Variants in SLC6A11 observed in about 807,000 individuals in gnomAD.
SLC6A11 encodes solute carrier family 6 member 11, also known as sodium- and chloride-dependent GABA transporter 3.
SLC6A11 carries 25 observed loss-of-function variants against 74.8 expected under a neutral mutation model. The ratio of observed to expected loss-of-function variants is 0.33; its 90% CI spans 0.24 to 0.47. The LOEUF (loss-of-function observed/expected upper bound fraction) is 0.47. Among genes scored for constraint, SLC6A11 ranks in the 20% least tolerant of loss-of-function variants. The pLI is 1.00. For synonymous variants in SLC6A11, 330 were observed against 330.2 expected, an observed-to-expected ratio of 1.00 and a Z score of 0.01; for missense variants, 574 against 837.0, an observed-to-expected ratio of 0.69 and a Z score of 3.88.
intron 5 of SLC6A11, among the ~76,000 whole-genome samples, chr3:10,853,954 T>C (rs940132495): frequency 6.6e-6 from 1 of 152,212 alleles, no homozygotes; most frequent in African/African-American, 2.4e-5. Context: ...CTGGCTTTCT[T>C]GTGTACCGTG....
rs370927607 is a variant in SLC6A11, at chr3:10,918,461, C to T, written c.1120+8C>T. 12 of 1,601,932 alleles carry T rather than the reference C, an allele frequency of 7.5e-6. No homozygotes were observed. The highest frequency in any genetic ancestry group is 5.6e-5 in the South Asian group (5 of 89,404). The stretch of plus-strand genomic sequence containing the variant: ...CTGAGGTGGCAGAGTCAGGTAAGTT[C>T]GCCAAAGGTGGGGATGGAAAAGGCG... On this transcript the variant is annotated splice_region_variant and intron_variant, in intron 8 of 13. Transcript: ENST00000254488. This position sits in a 1 kb window ranked among gnomAD's most constrained non-coding sequence, Gnocchi z 4.5.
At chr3:10,929,140 A>G in intron 9 of SLC6A11, 62 bp from the exon 10 acceptor site, 1 of 1,583,928 alleles carries the variant, frequency 6.3e-7, no homozygotes, top group Non-Finnish European at 8.6e-7. Flanking sequence ...GCTTGCCCAG[A>G]GCCTGGGCCA....
chr3:10,913,754 C>T (rs1249694197), intron 7 of SLC6A11, among the ~76,000 whole-genome samples: 1 of 152,194 alleles, frequency 6.6e-6, no homozygotes, highest in African/African-American at 2.4e-5. Flanking sequence ...ACTGCAGTGG[C>T]ACGATCTCGG....
chr3:10,936,447 C>T (rs938919874), intron 13 of SLC6A11, among the ~76,000 whole-genome samples: 3 of 152,178 alleles, frequency 2.0e-5, no homozygotes, highest in Admixed American at 6.5e-5. Context: ...AACTTGGCCA[C>T]CCAGGAGGCG....
intron 5 of SLC6A11, among the ~76,000 whole-genome samples, chr3:10,860,712 C>T (rs1267652547): frequency 6.6e-6 from 1 of 152,222 alleles, no homozygotes; most frequent in Non-Finnish European, 1.5e-5. Context: ...GCATTCCTCC[C>T]TGTCAAAAGG....
In SLC6A11 at chr3:10,862,783, C is replaced by T. The variant is rs1694717826; in HGVS notation, c.757-12178C>T. Among the ~76,000 whole-genome samples, 4 of 152,216 alleles carry T rather than the reference C, an allele frequency of 2.6e-5. 1 individual carries two copies. The highest frequency in any genetic ancestry group is 1.3e-4 in the Admixed American group (2 of 15,286). ...CACCACTGTGCATATGCCTGAGGCC[C>T]TCTGCTGCCATCCTGTGAACTGTCA... On this transcript the variant is annotated intron_variant, in intron 5 of 13. Transcript: ENST00000254488.
intron 6 of SLC6A11, among the ~76,000 whole-genome samples, chr3:10,896,679 C>T (rs573578833): frequency 3.9e-5 from 6 of 152,296 alleles, no homozygotes; most frequent in Admixed American, 2.0e-4. Flanking sequence ...GGGGCTTGCT[C>T]GACTTTCTTT....
At chr3:10,862,900 G>T (rs928725809) in intron 5 of SLC6A11, among the ~76,000 whole-genome samples, 1 of 152,210 alleles carries the variant, frequency 6.6e-6, no homozygotes, top group Non-Finnish European at 1.5e-5. Context: ...CCAGCATAGG[G>T]CCTGGCACAC....
At chr3:10,832,174 C>T (rs1694306414) in intron 4 of SLC6A11, among the ~76,000 whole-genome samples, 1 of 152,228 alleles carries the variant, frequency 6.6e-6, no homozygotes. Flanking sequence ...TTTCCCAGAA[C>T]CCAAAGCCAG....
At chr3:10,932,098 TA>T (rs1262781754) in intron 10 of SLC6A11, among the ~76,000 whole-genome samples, 1 of 152,192 alleles carries the variant, frequency 6.6e-6, no homozygotes, top group Non-Finnish European at 1.5e-5. Flanking sequence ...ACCCTCATTG[TA>T]TTGTAAAGAT....
At chr3:10,905,872 T>A (rs1695295971) in intron 6 of SLC6A11, among the ~76,000 whole-genome samples, 1 of 152,188 alleles carries the variant, frequency 6.6e-6, no homozygotes, top group South Asian at 2.1e-4. Context: ...ATCTCAACAT[T>A]GGTTTTTCAA....
intron 5 of SLC6A11, among the ~76,000 whole-genome samples, chr3:10,866,292 G>A (rs550894797): frequency 9.5e-4 from 144 of 152,284 alleles, no homozygotes; most frequent in African/African-American, 3.3e-3. Context: ...TATCTTGTTG[G>A]CCAGAACATA....
At chr3:10,897,698 C>T (rs1695187370) in intron 6 of SLC6A11, among the ~76,000 whole-genome samples, 2 of 152,168 alleles carry the variant, frequency 1.3e-5, no homozygotes, top group Non-Finnish European at 2.9e-5. Flanking sequence ...TGAGTGTCAG[C>T]AACTTTTCCA....
chr3:10,864,447 C>G (rs1008976959), intron 5 of SLC6A11, among the ~76,000 whole-genome samples: 20 of 151,856 alleles, frequency 1.3e-4, no homozygotes, highest in Non-Finnish European at 4.4e-5. Context: ...TGGAGAGCCC[C>G]CAAGCTCCTT....
intron 5 of SLC6A11, among the ~76,000 whole-genome samples, chr3:10,849,684 C>G (rs527351094): frequency 4.1e-5 from 6 of 146,760 alleles, no homozygotes; most frequent in Non-Finnish European, 7.4e-5. Context: ...TATGAAACAA[C>G]AATTTCACAT....
intron 4 of SLC6A11, among the ~76,000 whole-genome samples, chr3:10,826,913 G>T (rs1316163499): frequency 1.3e-5 from 2 of 152,204 alleles, no homozygotes; most frequent in Non-Finnish European, 2.9e-5. Context: ...CCAGCTACTT[G>T]GTTACTCAAG....
intron 4 of SLC6A11, among the ~76,000 whole-genome samples, chr3:10,834,718 G>A (rs1694344339): frequency 6.6e-6 from 1 of 152,154 alleles, no homozygotes; most frequent in South Asian, 2.1e-4. Flanking sequence ...CCAGAGCTGG[G>A]GCAACCTGAC....
intron 4 of SLC6A11, among the ~76,000 whole-genome samples, chr3:10,831,917 A>G (rs549784889): frequency 3.3e-5 from 5 of 152,212 alleles, no homozygotes; most frequent in East Asian, 3.8e-4. Context: ...TGAATGGTTC[A>G]TCATTTACTG....
chr3:10,890,268 C>G (rs1437065089), intron 6 of SLC6A11, among the ~76,000 whole-genome samples: 1 of 152,210 alleles, frequency 6.6e-6, no homozygotes, highest in Non-Finnish European at 1.5e-5. Flanking sequence ...AGCAGTCACT[C>G]CTGGTGCCCT....
Sources: allele counts gnomAD v4.1 joint callset (sites outside exome capture counted in the v4.1 genomes callset), GRCh38; gene constraint gnomAD v4.1.1; non-coding constraint Gnocchi (gnomAD v3.1); transcripts MANE v1.5; gene names NCBI Gene and HGNC (gene_info 2026-07-23, HGNC 2026-07-21).